NSD3: variants seen among roughly 807,000 people sequenced by gnomAD.
NSD3 encodes the protein histone-lysine N-methyltransferase NSD3.
NSD3 carries 24 observed loss-of-function variants against 160.8 expected under a neutral mutation model. The observed-to-expected ratio is 0.15, with a 90% CI of 0.11 to 0.21. The LOEUF is 0.21. NSD3 is among the 10% of genes least tolerant of loss of function. The probability of loss-of-function intolerance (pLI) is 1.00; values close to 1 mark genes in which losing one functional copy is unlikely to be tolerated. For synonymous variants in NSD3, 520 were observed against 600.0 expected (o/e 0.87, Z 1.95); for missense variants, 1,157 against 1,735.9 (o/e 0.67, Z 5.93).
At chr8:38,325,930 A>G (rs1360725143) in intron 7 of NSD3, among the ~76,000 whole-genome samples, 3 of 151,970 alleles carry the variant, frequency 2.0e-5, no homozygotes, top group Non-Finnish European at 2.9e-5. Context: ...CAGGTAGATC[A>G]CAAGGTCAGG....
At chr8:38,278,460 G>GA (rs1286125615) in intron 21 of NSD3, 48 bp from the exon 22 acceptor site, 12 of 1,512,978 alleles carry the variant, frequency 7.9e-6, no homozygotes, top group Non-Finnish European at 1.1e-5. Flanking sequence ...ATGGGGAAGA[G>GA]AAAAGCTCTC....
intron 4 of NSD3, among the ~76,000 whole-genome samples, chr8:38,333,899 C>G (rs1056498499): frequency 6.6e-6 from 1 of 152,140 alleles, no homozygotes; most frequent in Admixed American, 6.5e-5. Flanking sequence ...AAAATACTGA[C>G]TAATAACAAT....
intron 6 of NSD3, among the ~76,000 whole-genome samples, chr8:38,328,197 A>C (rs1348484831): frequency 6.6e-6 from 1 of 152,168 alleles, no homozygotes; most frequent in East Asian, 1.9e-4. Flanking sequence ...AAAAAGGAAA[A>C]AAATAAATAT....
intron 15 of NSD3, among the ~76,000 whole-genome samples, chr8:38,298,612 C>A (rs750543344): frequency 6.6e-6 from 1 of 151,860 alleles, no homozygotes; most frequent in Non-Finnish European, 1.5e-5. Flanking sequence ...TGAACTTGGC[C>A]CCAGATCATA....
At chr8:38,282,422 G>C (rs1029860889) in intron 19 of NSD3, among the ~76,000 whole-genome samples, 1 of 152,252 alleles carries the variant, frequency 6.6e-6, no homozygotes, top group Non-Finnish European at 1.5e-5. Flanking sequence ...TGTAATCCCA[G>C]CACTTTGGGA....
At chr8:38,369,225 A>C (rs1393250263) in intron 1 of NSD3, among the ~76,000 whole-genome samples, 4 of 152,202 alleles carry the variant, frequency 2.6e-5, no homozygotes, top group Non-Finnish European at 4.4e-5. Context: ...ATAAGTAATA[A>C]AAGTTAGAAA....
At chr8:38,311,155 T>G (rs1173142124) in intron 12 of NSD3, among the ~76,000 whole-genome samples, 1 of 149,278 alleles carries the variant, frequency 6.7e-6, no homozygotes, top group Non-Finnish European at 1.5e-5. Context: ...CTCAAAGAGC[T>G]CCACCTGCTT....
At chr8:38,370,670 T>C (rs1214924438) in intron 1 of NSD3, among the ~76,000 whole-genome samples, 5 of 152,142 alleles carry the variant, frequency 3.3e-5, no homozygotes, top group African/African-American at 1.2e-4. Flanking sequence ...TTTATAATAT[T>C]GCTGGGTTTA....
Position 38,321,304 on chromosome 8 carries a change from A to C in NSD3, c.1709-132T>G. 1.5e-6 allele frequency: 1 copy of C among 649,394 alleles called. No individual in the cohort carries two copies. 40.2% of individuals were successfully genotyped at this position (649,394 alleles called of 1,614,324 possible). A position where few individuals can be genotyped will look rare whatever the true frequency, so the allele number is the denominator to read the frequency against. ...GGAATTTTAATTAAAATCATTAAAA[A>C]ATGCTAAACATTCAGGAGCATATAA... On this transcript the variant is annotated intron_variant, in intron 7 of 23. Transcript: ENST00000317025. The surrounding 1 kb of genome is among the most constrained non-coding windows in gnomAD (Gnocchi z 4.7).
intron 16 of NSD3, among the ~76,000 whole-genome samples, chr8:38,294,928 G>C (rs1307542639): frequency 6.6e-6 from 1 of 151,548 alleles, no homozygotes; most frequent in African/African-American, 2.4e-5. Context: ...CGGATCACAA[G>C]GTCAGGAGAT....
intron 1 of NSD3, among the ~76,000 whole-genome samples, chr8:38,361,329 C>A (rs553548455): frequency 4.7e-5 from 7 of 149,004 alleles, no homozygotes; most frequent in South Asian, 2.2e-4. Context: ...AGGGTTTCAC[C>A]GTGTTGGCCA....
At chr8:38,341,134 AAAC>A (rs1486281072) in intron 2 of NSD3, among the ~76,000 whole-genome samples, 8 of 152,322 alleles carry the variant, frequency 5.3e-5, no homozygotes, top group South Asian at 2.1e-4. Flanking sequence ...CCGTCTCTTA[AAAC>A]AACAACAACA....
intron 12 of NSD3, among the ~76,000 whole-genome samples, chr8:38,311,396 C>T (rs375510323): frequency 2.6e-5 from 4 of 152,220 alleles, no homozygotes; most frequent in South Asian, 2.1e-4. Flanking sequence ...GGAACGATCT[C>T]GGCTCACTGC....
intron 12 of NSD3, among the ~76,000 whole-genome samples, chr8:38,305,935 C>T (rs927518480): frequency 6.6e-6 from 1 of 151,644 alleles, no homozygotes; most frequent in African/African-American, 2.4e-5. Context: ...AAATTATCCA[C>T]AAAAAAGACA....
chr8:38,353,048 T>C (rs530888953), intron 1 of NSD3, among the ~76,000 whole-genome samples: 1 of 152,284 alleles, frequency 6.6e-6, no homozygotes, highest in South Asian at 2.1e-4. Context: ...CCCAACAACA[T>C]TCATGTAGCT....
At chr8:38,378,945 G>C (rs1255512236) in intron 1 of NSD3, among the ~76,000 whole-genome samples, 3 of 152,216 alleles carry the variant, frequency 2.0e-5, no homozygotes, top group Admixed American at 6.5e-5. Context: ...GCTATTAGTG[G>C]ATTATGAATA....
intron 12 of NSD3, among the ~76,000 whole-genome samples, chr8:38,313,393 T>TA (rs1218840062): frequency 6.6e-6 from 1 of 152,158 alleles, no homozygotes; most frequent in Non-Finnish European, 1.5e-5. Flanking sequence ...GGGAAGCTAT[T>TA]AAACTCTCTA....
At chr8:38,378,825 CAAAA>C (rs201408423) in intron 1 of NSD3, among the ~76,000 whole-genome samples, 3 of 87,346 alleles carry the variant, frequency 3.4e-5, no homozygotes, top group Non-Finnish European at 2.4e-5. Flanking sequence ...CTCCATCTCT[CAAAA>C]AAAAAAAAAA....
intron 2 of NSD3, among the ~76,000 whole-genome samples, chr8:38,346,620 A>T (rs1810543600): frequency 1.3e-5 from 2 of 152,006 alleles, no homozygotes; most frequent in Non-Finnish European, 2.9e-5. Flanking sequence ...ACATGTTGAA[A>T]TGTCACACTG....
Sources: gnomAD v4.1 joint callset for allele counts (sites outside exome capture counted in the v4.1 genomes callset) on GRCh38, gnomAD v4.1.1 for gene constraint, Gnocchi (gnomAD v3.1) non-coding constraint, MANE v1.5 for transcripts, NCBI Gene and HGNC (gene_info 2026-07-23, HGNC 2026-07-21) for gene names.